Variants in MAML1 observed in about 807,000 individuals in gnomAD.
The protein encoded by MAML1 is mastermind like transcriptional coactivator 1.
MAML1 carries 14 observed loss-of-function variants against 77.1 expected under a neutral mutation model. The observed-to-expected ratio is 0.18, with a 90% CI of 0.12 to 0.28. The LOEUF (loss-of-function observed/expected upper bound fraction) is 0.28, where lower values mean the gene tolerates loss of function less well. MAML1 is among the 10% of genes least tolerant of loss of function. The probability of loss-of-function intolerance (pLI) is 1.00; values close to 1 mark genes in which losing one functional copy is unlikely to be tolerated. For synonymous variants in MAML1, 516 were observed against 551.9 expected, an observed-to-expected ratio of 0.93 and a Z score of 0.91; for missense variants, 1,217 against 1,327.8, an observed-to-expected ratio of 0.92 and a Z score of 1.30.
At chr5:179,733,881 G>A (rs970390753) in intron 1 of MAML1, among the ~76,000 whole-genome samples, 13 of 152,214 alleles carry the variant, frequency 8.5e-5, no homozygotes, top group Non-Finnish European at 1.8e-4. Flanking sequence ...GTGGAAATAA[G>A]TCGGCCTTTG....
Position 179,776,053 on chromosome 5 carries a change from C to G in MAML1, c.*1176C>G, listed in dbSNP as rs1756128613. On this transcript the variant is annotated 3_prime_UTR_variant, in exon 5 of 5. Coordinates refer to ENST00000292599, the MANE Select transcript of MAML1 (RefSeq NM_014757.5). ...CACTAAGACATCCTTTCTAAAGATTCAAGTGGACTTGACTAAGCTGAGGGT... is the reference window on the plus strand; with the variant it reads ...CACTAAGACATCCTTTCTAAAGATTGAAGTGGACTTGACTAAGCTGAGGGT... 1.0e-6 allele frequency: 1 copy of G among 985,750 alleles called. No homozygotes were observed. Among genetic ancestry groups the G allele is most frequent in the Admixed American group, 6.1e-5 (1 of 16,274 alleles). The allele number at this position is 985,750 out of a possible 1,614,324, so 61.1% of individuals were successfully genotyped here.
rs1184314657 is a variant in MAML1, at chr5:179,776,029, A to G, written c.*1152A>G. On this transcript the variant is annotated 3_prime_UTR_variant, in exon 5 of 5. Transcript: ENST00000292599. The stretch of plus-strand genomic sequence containing the variant: ...CTTCTTAAAGAGATTGCTTTATAAC[A>G]CTAAGACATCCTTTCTAAAGATTCA... 5.1e-6 allele frequency: 5 copies of G among 985,728 alleles called. No individual in the cohort carries two copies. Among genetic ancestry groups the G allele is most frequent in the Non-Finnish European group, 6.0e-6 (5 of 829,946 alleles). The allele number at this position is 985,728 out of a possible 1,614,324, so 61.1% of individuals were successfully genotyped here. A position where few individuals can be genotyped will look rare whatever the true frequency, so the allele number is the denominator to read the frequency against.
At chr5:179,753,864 G>A (rs1001520636) in intron 1 of MAML1, among the ~76,000 whole-genome samples, 3 of 151,578 alleles carry the variant, frequency 2.0e-5, no homozygotes, top group Admixed American at 6.6e-5. Flanking sequence ...TAGAGATGGC[G>A]TTTCACCATG....
At chr5:179,747,812 A>AAAAAAAAAAAAC (rs1779410675) in intron 1 of MAML1, among the ~76,000 whole-genome samples, 1 of 150,458 alleles carries the variant, frequency 6.6e-6, no homozygotes, top group Non-Finnish European at 1.5e-5. Context: ...CCATCTCAAA[A>AAAAAAAAAAAAC]AAAAAAAAAA....
chr5:179,774,321 T>C lies in MAML1; in HGVS notation c.2495T>C (p.Met832Thr). 6.2e-7 allele frequency: 1 copy of C among 1,613,432 alleles called. No individual in the cohort carries two copies. The highest frequency in any genetic ancestry group is 8.5e-7 in the Non-Finnish European group (1 of 1,180,028). The change falls in exon 5 of 5, where the codon ATG (methionine) becomes ACG (threonine). Residue 832 changes from methionine (M) to threonine (T), a missense_variant. Physicochemically the swap from Met to Thr is moderately conservative, Grantham distance 81. This residue lies in a region of MAML1 where 884 missense variants were observed against 949.3 expected (regional missense o/e 0.93). Coordinates refer to ENST00000292599, the MANE Select transcript of MAML1 (RefSeq NM_014757.5). ...KPPVPRVSPA[M>T]GGQNSSWQHQ... ...CCGGTCCCAAGGGTGTCACCAGCCA[T>C]GGGAGGCCAGAATTCCTCCTGGCAG...
In MAML1 at chr5:179,774,657, G is replaced by T. The variant is rs760725988; in HGVS notation, c.2831G>T (p.Ser944Ile). The T allele has an allele frequency of 1.2e-6, 2 of 1,610,664 alleles. No homozygotes were observed. The highest frequency in any genetic ancestry group is 2.2e-5 in the East Asian group (1 of 44,858). Reference sequence around the variant, plus strand: ...CCTGAGCTGGGGGCCTTCAGCCAGAGCCCTGCCTCACAGATGGGCGGTCGG... The same window carrying T: ...CCTGAGCTGGGGGCCTTCAGCCAGATCCCTGCCTCACAGATGGGCGGTCGG... ...AGPELGAFSQ[S>I]PASQMGGRAG... Residue 944 changes from serine (S) to isoleucine (I), a missense_variant, in exon 5 of 5, where the codon AGC becomes ATC. Ser to Ile is a moderately radical substitution (Grantham distance 142). Transcript: ENST00000292599.
chr5:179,774,939 G>C lies in MAML1; in HGVS notation c.*62G>C, dbSNP rs997208357. On this transcript the variant is annotated 3_prime_UTR_variant, in exon 5 of 5. Transcript: ENST00000292599. ...CTATATTTTTATTCTCAGATTCAAA[G>C]AAAGAGCAACTACTTTGGACCAAAA... 1.3e-6 allele frequency: 2 copies of C among 1,519,872 alleles called. No homozygotes were observed. Among genetic ancestry groups the C allele is most frequent in the African/African-American group, 2.8e-5 (2 of 72,260 alleles). The allele number at this position is 1,519,872 out of a possible 1,614,324, so 94.1% of individuals were successfully genotyped here.
At chr5:179,763,381 G>GTGGGGCGGTGTT (rs1355682998) in intron 1 of MAML1, among the ~76,000 whole-genome samples, 1 of 152,098 alleles carries the variant, frequency 6.6e-6, no homozygotes, top group Non-Finnish European at 1.5e-5. Context: ...TCCTGCAGCT[G>GTGGGGCGGTGTT]TGGGGCGGTG....
At chr5:179,742,930 T>C (rs1277995476) in intron 1 of MAML1, among the ~76,000 whole-genome samples, 3 of 152,158 alleles carry the variant, frequency 2.0e-5, no homozygotes, top group Non-Finnish European at 4.4e-5. Flanking sequence ...AAAGCACTAG[T>C]AGTTCTTTGA....
chr5:179,736,964 TTA>T (rs377403890), intron 1 of MAML1, among the ~76,000 whole-genome samples: 1,641 of 86,086 alleles, frequency 0.019, 26 homozygotes, highest in African/African-American at 0.047. Flanking sequence ...CCGTCTCAAA[TTA>T]AAAAAAAAAA....
intron 1 of MAML1, among the ~76,000 whole-genome samples, chr5:179,755,340 CTG>C (rs1053050903): frequency 1.3e-5 from 2 of 152,298 alleles, no homozygotes; most frequent in African/African-American, 4.8e-5. Context: ...GGAAAGTTAA[CTG>C]TGAACTTTCA....
rs2113389430 is a variant in MAML1 at position 179,776,386 on chromosome 5, T to C, written c.*1509T>C. On this transcript the variant is annotated 3_prime_UTR_variant, in exon 5 of 5. Transcript: ENST00000292599. ...GAGGGGACGAGAGGTTGTACACACA[T>C]TGGTAGTTATTTTGCACCAGCAGTG... The C allele has an allele frequency of 1.0e-6, 1 of 985,800 alleles. No individual in the cohort carries two copies. The highest frequency in any genetic ancestry group is 1.2e-6 in the Non-Finnish European group (1 of 829,914). 61.1% of individuals were successfully genotyped at this position (985,800 alleles called of 1,614,324 possible). A position where few individuals can be genotyped will look rare whatever the true frequency, so the allele number is the denominator to read the frequency against.
intron 1 of MAML1, among the ~76,000 whole-genome samples, chr5:179,739,353 CAAAT>C (rs1562545653): frequency 6.6e-6 from 1 of 150,640 alleles, no homozygotes; most frequent in Non-Finnish European, 1.5e-5. Context: ...CTCCATCTCT[CAAAT>C]AGAATAGAAT....
At chr5:179,763,389 G>A (rs1313667485) in intron 1 of MAML1, among the ~76,000 whole-genome samples, 1 of 151,960 alleles carries the variant, frequency 6.6e-6, no homozygotes, top group African/African-American at 2.4e-5. Context: ...CTGTGGGGCG[G>A]TGTTCTGAAT....
At position 179,774,020 on chromosome 5, in the gene MAML1, C is replaced by G. The variant is rs564103589; in HGVS notation, c.2194C>G (p.Pro732Ala). 1.2e-4 allele frequency: 192 copies of G among 1,614,216 alleles called. 2 individuals are homozygous for G. In the South Asian group the frequency reaches 1.9e-3, roughly 16 times the overall value. The change falls in exon 5 of 5, where the codon CCC (proline) becomes GCC (alanine). Residue 732 changes from proline to alanine, a missense_variant. Pro to Ala is a conservative substitution (Grantham distance 27, BLOSUM62 -1). This residue lies in a region of MAML1 where 884 missense variants were observed against 949.3 expected (regional missense o/e 0.93). Transcript: ENST00000292599. The stretch of plus-strand genomic sequence containing the variant: ...TGGACATGCTTCAGTTTCCTCTCTC[C>G]CCACAAACTCAGGCCAACAGGACCG... ...GPGHASVSSL[P>A]TNSGQQDRGV... is the part of the protein sequence containing the mutation.
rs78703004 is a variant in MAML1, at chr5:179,753,569, G to A, written c.316-11757G>A. Among the ~76,000 whole-genome samples, 2,127 of 151,724 alleles carry A rather than the reference G, an allele frequency of 0.014. 128 individuals carry two copies. The East Asian group carries it at 0.2, about 14-fold the overall frequency. ...GAGTGATTGATGCCTCGAAGAAAGC[G>A]AATGGCAAAGGATTAAGACAGTAGT... On this transcript the variant is annotated intron_variant, in intron 1 of 4. Coordinates refer to ENST00000292599, the MANE Select transcript of MAML1 (RefSeq NM_014757.5).
chr5:179,744,225 C>T (rs1779338590), intron 1 of MAML1, among the ~76,000 whole-genome samples: 1 of 152,074 alleles, frequency 6.6e-6, no homozygotes, highest in African/African-American at 2.4e-5. Context: ...TGCTCTGTTG[C>T]CCAGGCTGGA....
Position 179,733,413 on chromosome 5 carries a change from G to T in MAML1, c.301G>T (p.Gly101Cys). The T allele has an allele frequency of 5.4e-6, 6 of 1,108,010 alleles. No individual in the cohort carries two copies. Among genetic ancestry groups the T allele is most frequent in the Non-Finnish European group, 6.6e-6 (6 of 912,342 alleles). 68.6% of individuals were successfully genotyped at this position (1,108,010 alleles called of 1,614,324 possible). ...GGACGCCGCTGACGGCCCCGAGCACGGCCGCCCGGCCACGGTGAGTAGGGC... is the reference window on the plus strand; with the variant it reads ...GGACGCCGCTGACGGCCCCGAGCACTGCCGCCCGGCCACGGTGAGTAGGGC... ...RLDAADGPEH[G>C]RPATHLHDTV... Residue 101 changes from glycine to cysteine, a missense_variant, in exon 1 of 5, where the codon GGC becomes TGC. By Grantham distance (159) the Gly-to-Cys change is radical (BLOSUM62 -3). This residue lies in a region of MAML1 where 312 missense variants were observed against 331.4 expected (regional missense o/e 0.94). Coordinates refer to ENST00000292599, the MANE Select transcript of MAML1 (RefSeq NM_014757.5).
chr5:179,736,497 C>T (rs1779173908), intron 1 of MAML1, among the ~76,000 whole-genome samples: 2 of 152,024 alleles, frequency 1.3e-5, no homozygotes, highest in African/African-American at 2.4e-5. Flanking sequence ...GTGATCCTCC[C>T]GCACTGGCCT....
Sources: allele counts gnomAD v4.1 joint callset (sites outside exome capture counted in the v4.1 genomes callset), GRCh38; gene constraint gnomAD v4.1.1; regional missense constraint gnomAD v4.1.1; transcripts MANE v1.5; gene names NCBI Gene and HGNC (gene_info 2026-07-23, HGNC 2026-07-21).